COX15: variants seen among roughly 807,000 people sequenced by gnomAD.
The protein encoded by COX15 is cytochrome c oxidase assembly factor COX15.
A neutral mutation model predicts 51.9 loss-of-function variants in COX15; 51 were observed. The observed-to-expected ratio is 0.98, with a 90% CI of 0.78 to 1.24. COX15 has a LOEUF of 1.24. Ranked by LOEUF, COX15 falls within the 50% of genes most tolerant of loss-of-function variation. The probability of loss-of-function intolerance (pLI) is 0.00; values close to 1 mark genes in which losing one functional copy is unlikely to be tolerated. For missense variants in COX15, 420 were observed against 501.1 expected, an observed-to-expected ratio of 0.84 and a Z score of 1.55; for synonymous variants, 188 against 190.5, an observed-to-expected ratio of 0.99 and a Z score of 0.11.
At chr10:99,701,212 G>A in the COX15 span, among the ~76,000 whole-genome samples, 1 of 152,072 alleles carries the variant, frequency 6.6e-6, no homozygotes, top group African/African-American at 2.4e-5. Flanking sequence ...CCAAAATAGT[G>A]AGCCTATTAT....
intron 4 of COX15, among the ~76,000 whole-genome samples, chr10:99,724,778 T>C (rs2133610387): frequency 6.6e-6 from 1 of 150,914 alleles, no homozygotes; most frequent in Non-Finnish European, 1.5e-5. Context: ...TAAAACTAGA[T>C]TGAATGTTTT....
Position 99,711,364 on chromosome 10 carries a change from G to A in COX15, c.*3223C>T. ...TAACTAAGGACAACCTGGGTTTGAG[G>A]ATCAGGAGAGGATGGTGTGGGAACC... is the stretch of plus-strand genomic sequence containing the variant. On this transcript the variant is annotated 3_prime_UTR_variant, in exon 9 of 9. Coordinates refer to ENST00000016171, the MANE Select transcript of COX15 (RefSeq NM_078470.6). 2.0e-6 allele frequency: 2 copies of A among 985,412 alleles called. No individual in the cohort carries two copies. The highest frequency in any genetic ancestry group is 5.2e-4 in the Middle Eastern group (1 of 1,914). 61.0% of individuals were successfully genotyped at this position (985,412 alleles called of 1,614,324 possible). A position where few individuals can be genotyped will look rare whatever the true frequency, so the allele number is the denominator to read the frequency against.
chr10:99,702,399 C>G, the COX15 span: 1 of 851,462 alleles, frequency 1.2e-6, no homozygotes, highest in Non-Finnish European at 1.7e-6. Flanking sequence ...GAAGGTGAAG[C>G]GGGAGGAGGT....
intron 5 of COX15, 140 bp downstream of exon 5, chr10:99,723,816 C>T: frequency 6.7e-6 from 6 of 896,878 alleles, no homozygotes; most frequent in African/African-American, 1.7e-5. Flanking sequence ...CTCTATTTTT[C>T]AATTTGTTTC....
intron 5 of COX15, among the ~76,000 whole-genome samples, chr10:99,722,012 C>T (rs147708031): frequency 0.015 from 2,251 of 151,902 alleles, 57 homozygotes; most frequent in African/African-American, 0.048. Context: ...TACAGGTGCG[C>T]GCCACTATTG....
downstream of COX15, chr10:99,710,003 C>G (rs914156906): frequency 2.3e-5 from 23 of 985,200 alleles, no homozygotes; most frequent in African/African-American, 3.5e-4. Flanking sequence ...TTATGAAAAC[C>G]AAAGTTGAAA....
chr10:99,695,114 G>C, the COX15 span, among the ~76,000 whole-genome samples: 1 of 152,160 alleles, frequency 6.6e-6, no homozygotes, highest in African/African-American at 2.4e-5. Flanking sequence ...TTCAGCCTCT[G>C]CCCTTGAGGT....
chr10:99,720,903 A>C, intron 6 of COX15, 84 bp downstream of exon 6: 1 of 997,704 alleles, frequency 1.0e-6, no homozygotes, highest in South Asian at 1.3e-5. Flanking sequence ...ATAAAGATGC[A>C]GGAGGAAGGG....
the COX15 span, among the ~76,000 whole-genome samples, chr10:99,699,209 T>G: frequency 6.6e-6 from 1 of 152,250 alleles, no homozygotes; most frequent in Non-Finnish European, 1.5e-5. Flanking sequence ...TTTTTCCTCT[T>G]GCTAGCTATT....
At chr10:99,702,375 C>A in the COX15 span, 1 of 625,258 alleles carries the variant, frequency 1.6e-6, no homozygotes, top group Non-Finnish European at 2.6e-6. Context: ...AGAAATAACC[C>A]ACTTAGAGGT....
At chr10:99,728,207 A>G (rs2037024658) in intron 2 of COX15, among the ~76,000 whole-genome samples, 1 of 152,210 alleles carries the variant, frequency 6.6e-6, no homozygotes, top group African/African-American at 2.4e-5. Context: ...GGAAACTATC[A>G]AAGGTAATTA....
chr10:99,694,494 G>A, the COX15 span, among the ~76,000 whole-genome samples: 1 of 150,238 alleles, frequency 6.7e-6, no homozygotes, highest in Non-Finnish European at 1.5e-5. Context: ...CAGTGCTGCT[G>A]TGAACATTCA....
At chr10:99,727,207 T>TAAA in intron 3 of COX15, 53 bp from the exon 4 acceptor site, 6 of 1,593,632 alleles carry the variant, frequency 3.8e-6, no homozygotes, top group Non-Finnish European at 5.2e-6. Context: ...CCTTCTGATT[T>TAAA]TTATTTTCTT....
chr10:99,700,590 T>C, the COX15 span, among the ~76,000 whole-genome samples: 1 of 152,190 alleles, frequency 6.6e-6, no homozygotes, highest in Non-Finnish European at 1.5e-5. Flanking sequence ...ATTATTTTGG[T>C]GAGAATTACA....
In COX15 at chr10:99,714,139, G is replaced by T; in HGVS notation, c.*448C>A. ...GCTTTTTTTTTTTTGCTGAAGACCA[G>T]CTGGCTACTTTGGGTATGTCAATCC... On this transcript the variant is annotated 3_prime_UTR_variant, in exon 9 of 9. Transcript: ENST00000016171. 2 of 1,013,628 alleles carry T rather than the reference G, an allele frequency of 2.0e-6. No individual in the cohort carries two copies. The highest frequency in any genetic ancestry group is 2.4e-6 in the Non-Finnish European group (2 of 846,752). 62.8% of individuals were successfully genotyped at this position (1,013,628 alleles called of 1,614,324 possible). A position where few individuals can be genotyped will look rare whatever the true frequency, so the allele number is the denominator to read the frequency against.
At chr10:99,698,324 A>G in the COX15 span, among the ~76,000 whole-genome samples, 2 of 152,274 alleles carry the variant, frequency 1.3e-5, no homozygotes, top group Non-Finnish European at 2.9e-5. Flanking sequence ...AATGTCGAAC[A>G]GAATTGATCA....
At chr10:99,706,517 T>A (rs2036257383), downstream of COX15, among the ~76,000 whole-genome samples, 1 of 152,074 alleles carries the variant, frequency 6.6e-6, no homozygotes, top group South Asian at 2.1e-4. Context: ...TTATTTTATT[T>A]TTTTAGAGAT....
chr10:99,694,544 T>TG, the COX15 span, among the ~76,000 whole-genome samples: 2 of 150,750 alleles, frequency 1.3e-5, no homozygotes, highest in Non-Finnish European at 3.0e-5. Flanking sequence ...TTTTGTTTTT[T>TG]TTTTTTTTTG....
chr10:99,704,037 T>G, the COX15 span, among the ~76,000 whole-genome samples: 1 of 152,206 alleles, frequency 6.6e-6, no homozygotes, highest in Non-Finnish European at 1.5e-5. Context: ...CATAGCAACT[T>G]TAAAAAAAGG....
Sources: allele counts gnomAD v4.1 joint callset (sites outside exome capture counted in the v4.1 genomes callset), GRCh38; gene constraint gnomAD v4.1.1; transcripts MANE v1.5; gene names NCBI Gene and HGNC (gene_info 2026-07-23, HGNC 2026-07-21).